ZNF280D: variants seen among roughly 807,000 people sequenced by gnomAD.
ZNF280D encodes zinc finger protein 280D, also known as suppressor of hairy wing homolog 4.
In ZNF280D, 39 loss-of-function variants were observed where a neutral mutation model predicts 94.7. The ratio of observed to expected loss-of-function variants is 0.41; its 90% CI spans 0.32 to 0.54. The LOEUF is 0.54. Ranked by LOEUF, ZNF280D falls within the 20% of genes least tolerant of loss-of-function variation. ZNF280D has a pLI of 0.22. For synonymous variants in ZNF280D, 398 were observed against 377.6 expected (o/e 1.05, Z -0.63); for missense variants, 1,090 against 1,149.3 (o/e 0.95, Z 0.75).
intron 1 of ZNF280D, among the ~76,000 whole-genome samples, chr15:56,714,574 T>C (rs1291060908): frequency 6.6e-6 from 1 of 152,126 alleles, no homozygotes; most frequent in Non-Finnish European, 1.5e-5. Flanking sequence ...CGATCAGGAC[T>C]AGAATAGGGA....
chr15:56,713,236 A>G (rs2057866863), intron 1 of ZNF280D, among the ~76,000 whole-genome samples: 1 of 152,250 alleles, frequency 6.6e-6, no homozygotes, highest in South Asian at 2.1e-4. Context: ...ATAGATACAA[A>G]AAACTATTTC....
At chr15:56,634,434 C>A (rs1373397039) in intron 21 of ZNF280D, among the ~76,000 whole-genome samples, 1 of 151,976 alleles carries the variant, frequency 6.6e-6, no homozygotes, top group South Asian at 2.1e-4. Context: ...TGTTAACATT[C>A]CCCCAAGAAC....
In ZNF280D at chr15:56,669,042, A is replaced by T. The variant is rs1218317048; in HGVS notation, c.1411-85T>A. Reference sequence around the variant, plus strand: ...TCCTGAAACTGCTGACTTAATTTTAATGATACCTAAATAATGTAAAAACTT... The same window carrying T: ...TCCTGAAACTGCTGACTTAATTTTATTGATACCTAAATAATGTAAAAACTT... On this transcript the variant is annotated intron_variant, in intron 13 of 21. Transcript: ENST00000267807. 3.2e-6 allele frequency: 4 copies of T among 1,262,388 alleles called. No individual in the cohort carries two copies. The African/African-American group carries it at 6.1e-5, about 19-fold the overall frequency. 78.2% of individuals were successfully genotyped at this position (1,262,388 alleles called of 1,614,324 possible).
intron 1 of ZNF280D, among the ~76,000 whole-genome samples, chr15:56,724,087 C>T (rs1163826424): frequency 6.6e-6 from 1 of 152,146 alleles, no homozygotes; most frequent in African/African-American, 2.4e-5. Context: ...CCACATATCA[C>T]TAGCCCGGAA....
intron 4 of ZNF280D, among the ~76,000 whole-genome samples, chr15:56,702,335 T>C (rs1352630938): frequency 6.6e-6 from 1 of 152,198 alleles, no homozygotes; most frequent in Non-Finnish European, 1.5e-5. Context: ...CACAAGTTTT[T>C]GCCCTCCTTT....
intron 16 of ZNF280D, among the ~76,000 whole-genome samples, chr15:56,660,780 C>A (rs1040393286): frequency 6.6e-6 from 1 of 151,990 alleles, no homozygotes; most frequent in South Asian, 2.1e-4. Context: ...ATAAATTATA[C>A]CTCAAGAAAA....
Position 56,693,137 on chromosome 15 carries a change from A to G in ZNF280D, c.460T>C (p.Leu154=). Reference sequence around the variant, plus strand: ...GTTGGTCCCCCTTGGTAATGTGATAATCCTGTATCCTGGGTCAAGTCAAAC... The same window carrying G: ...GTTGGTCCCCCTTGGTAATGTGATAGTCCTGTATCCTGGGTCAAGTCAAAC... ...LLFDLTQDTG[L]SHYQGGPTLS... is the part of the protein sequence containing the mutation. Residue 154 remains leucine (L), a synonymous_variant, in exon 7 of 22, where the codon TTA becomes CTA. Transcript: ENST00000267807. 2 of 1,607,072 alleles carry G rather than the reference A, an allele frequency of 1.2e-6. No homozygotes were observed. The highest frequency in any genetic ancestry group is 1.7e-6 in the Non-Finnish European group (2 of 1,176,818).
intron 1 of ZNF280D, chr15:56,733,163 G>C (rs2058982087): frequency 6.5e-6 from 1 of 152,940 alleles, no homozygotes; most frequent in South Asian, 2.1e-4. Context: ...ACACGCCTGG[G>C]AGAGGAGGTG....
At chr15:56,700,052 CTT>C (rs1262618399) in intron 6 of ZNF280D, 2 of 261,116 alleles carry the variant, frequency 7.7e-6, no homozygotes, top group Non-Finnish European at 1.2e-5. Flanking sequence ...GGAAAACAGT[CTT>C]TGATTATAAT....
In ZNF280D at chr15:56,701,016, G is replaced by T. The variant is rs1220830623; in HGVS notation, c.298C>A (p.Pro100Thr). 6.2e-7 allele frequency: 1 copy of T among 1,613,958 alleles called. No individual in the cohort carries two copies. The highest frequency in any genetic ancestry group is 8.5e-7 in the Non-Finnish European group (1 of 1,179,858). The part of the protein sequence containing the change: ...SQHYTNPTSN[P>T]VPASPINFHP... ...AAATTTATTGGTGAGGCAGGCACTGGATTTGATGTTGGATTCGTGTAGTGT... is the reference window on the plus strand; with the variant it reads ...AAATTTATTGGTGAGGCAGGCACTGTATTTGATGTTGGATTCGTGTAGTGT... The change falls in exon 6 of 22, where the codon CCA becomes ACA. Residue 100 changes from proline (P) to threonine (T), a missense_variant. Coordinates refer to ENST00000267807, the MANE Select transcript of ZNF280D (RefSeq NM_017661.4).
At position 56,699,748 on chromosome 15, in the gene ZNF280D, C is replaced by T. The variant is rs79949935; in HGVS notation, c.381+1185G>A. On this transcript the variant is annotated intron_variant, in intron 6 of 21. Coordinates refer to ENST00000267807, the MANE Select transcript of ZNF280D (RefSeq NM_017661.4). ...CTCAAGACAACTATCATACTTCAGACACAGAGGTACTTTATGCACACTACC... is the reference window on the plus strand; with the variant it reads ...CTCAAGACAACTATCATACTTCAGATACAGAGGTACTTTATGCACACTACC... The T allele has an allele frequency of 3.9e-3, 760 of 196,694 alleles. 12 individuals are homozygous for T. Among genetic ancestry groups the T allele is most frequent in the African/African-American group, 0.017 (716 of 42,390 alleles). 12.2% of individuals were successfully genotyped at this position (196,694 alleles called of 1,614,324 possible). A position where few individuals can be genotyped will look rare whatever the true frequency, so the allele number is the denominator to read the frequency against.
At chr15:56,669,699 T>A (rs2054544719) in intron 13 of ZNF280D, among the ~76,000 whole-genome samples, 1 of 144,198 alleles carries the variant, frequency 6.9e-6, no homozygotes, top group Admixed American at 7.3e-5. Context: ...ACTGAGTCCC[T>A]CCTCAAACCC....
intron 10 of ZNF280D, among the ~76,000 whole-genome samples, chr15:56,681,402 A>T (rs933810717): frequency 6.6e-6 from 1 of 152,208 alleles, no homozygotes; most frequent in Non-Finnish European, 1.5e-5. Context: ...AGTTCTAAGA[A>T]GGATGAAGAG....
At chr15:56,635,290 T>A in intron 20 of ZNF280D, 40 bp from the exon 21 acceptor site, 1 of 1,225,130 alleles carries the variant, frequency 8.2e-7, no homozygotes, top group Non-Finnish European at 1.1e-6. Context: ...CATTCACAGT[T>A]AATCTTAAAA....
Position 56,731,237 on chromosome 15 carries a change from T to C in ZNF280D, c.-86+2221A>G, listed in dbSNP as rs117179615. On this transcript the variant is annotated intron_variant, in intron 1 of 21. Transcript: ENST00000267807. ...GGTCAATTTCGCCCAGTGCTGTGGC[T>C]CACATCTGTAATCCCAGCACTTTGG... Among the ~76,000 whole-genome samples, 150 of 152,204 alleles carry C rather than the reference T, an allele frequency of 9.9e-4. 2 individuals carry two copies. In the East Asian group the frequency reaches 0.026, roughly 27 times the overall value.
chr15:56,636,483 C>T (rs568411505), intron 20 of ZNF280D, among the ~76,000 whole-genome samples: 2 of 132,076 alleles, frequency 1.5e-5, no homozygotes, highest in African/African-American at 2.7e-5. Flanking sequence ...TCCTTCCTTC[C>T]TATTTTTTTT....
At chr15:56,727,991 T>C (rs973193965) in intron 1 of ZNF280D, among the ~76,000 whole-genome samples, 4 of 152,094 alleles carry the variant, frequency 2.6e-5, no homozygotes, top group Non-Finnish European at 5.9e-5. Flanking sequence ...AATGTGACAG[T>C]CTTTCATCCT....
In ZNF280D at chr15:56,631,726, T is replaced by TTCA. The variant is rs1430387661; in HGVS notation, c.2709_2711dup (p.Pro903_Glu904insAsp). The TTCA allele has an allele frequency of 1.2e-6, 2 of 1,614,048 alleles. No individual in the cohort carries two copies. The highest frequency in any genetic ancestry group is 2.7e-5 in the African/African-American group (2 of 74,934). On this transcript the variant is annotated inframe_insertion, in exon 22 of 22. Coordinates refer to ENST00000267807, the MANE Select transcript of ZNF280D (RefSeq NM_017661.4). Reference sequence around the variant, plus strand: ...GCTCGCTAACATCAGAACTAACAGATTCAGGTTCATGTCTTTTTCTCAAAA... The same window carrying TTCA: ...GCTCGCTAACATCAGAACTAACAGATTCATCAGGTTCATGTCTTTTTCTCAAAA...
At chr15:56,691,376 G>C (rs1596518260) in intron 7 of ZNF280D, among the ~76,000 whole-genome samples, 1 of 152,080 alleles carries the variant, frequency 6.6e-6, no homozygotes, top group Admixed American at 6.6e-5. Flanking sequence ...TCACATTCTT[G>C]TGAGATGTTT....
Sources: allele counts gnomAD v4.1 joint callset (sites outside exome capture counted in the v4.1 genomes callset), GRCh38; gene constraint gnomAD v4.1.1; transcripts MANE v1.5; gene names NCBI Gene and HGNC (gene_info 2026-07-23, HGNC 2026-07-21).